PIEZO1: variants seen among roughly 807,000 people sequenced by gnomAD.
PIEZO1 encodes piezo type mechanosensitive ion channel component 1 (Er blood group).
Under a neutral mutation model 297.2 loss-of-function variants are expected in PIEZO1, and 296 were observed. The observed-to-expected ratio is 1.00, with a 90% CI of 0.91 to 1.10. The LOEUF is 1.10. PIEZO1 is among the 50% of genes least tolerant of loss of function. The probability of loss-of-function intolerance (pLI) is 0.00; values close to 1 mark genes in which losing one functional copy is unlikely to be tolerated. For missense variants in PIEZO1, 5,018 were observed against 3,455.5 expected (o/e 1.45, Z -11.34); for synonymous variants, 2,427 against 1,507.5 (o/e 1.61, Z -14.13).
chr16:88,752,677 G>A (rs1352771626), intron 1 of PIEZO1, among the ~76,000 whole-genome samples: 2 of 152,224 alleles, frequency 1.3e-5, no homozygotes, highest in Admixed American at 6.5e-5. Flanking sequence ...GCCCCTGGCC[G>A]AGCCAGAGGG....
chr16:88,721,592 G>T lies in PIEZO1; in HGVS notation c.5349C>A (p.Ile1783=). ...ILGLEKTDGY[I]KYDLVQLMAL... is the part of the protein sequence containing the mutation. ...CCATGAGCTGCACCAGGTCGTACTT[G>T]ATGTAGCCGTCAGTCTTCTCCAGGC... Residue 1783 remains isoleucine, a synonymous_variant, in exon 38 of 51, where the codon ATC becomes ATA. Coordinates refer to ENST00000301015, the MANE Select transcript of PIEZO1 (RefSeq NM_001142864.4). The T allele has an allele frequency of 3.2e-6, 5 of 1,550,354 alleles. No individual in the cohort carries two copies. Among genetic ancestry groups the T allele is most frequent in the Non-Finnish European group, 4.4e-6 (5 of 1,146,936 alleles).
In PIEZO1 at chr16:88,722,969, C is replaced by G. The variant is rs1329251852; in HGVS notation, c.4536G>C (p.Gln1512His). The G allele has an allele frequency of 4.5e-6, 7 of 1,547,790 alleles. No individual in the cohort carries two copies. In the South Asian group the frequency reaches 8.3e-5, roughly 18 times the overall value. Residue 1512 changes from glutamine (Q) to histidine (H), a missense_variant, in exon 34 of 51, where the codon CAG becomes CAC. Transcript: ENST00000301015. The stretch of plus-strand genomic sequence containing the variant: ...GCGCCTGCCCCAGCATCCACAGGAA[C>G]TGCGCCGTGCTCAGCACCCTCTGCA... ...HVVQRVLSTA[Q>H]FLWMLGQALV...
intron 1 of PIEZO1, among the ~76,000 whole-genome samples, chr16:88,755,822 G>T (rs1160529142): frequency 6.6e-6 from 1 of 152,206 alleles, no homozygotes; most frequent in African/African-American, 2.4e-5. Flanking sequence ...GGACAGGTGG[G>T]GACCGGGTGG....
chr16:88,721,107 G>A (rs2142763506), intron 39 of PIEZO1, 59 bp downstream of exon 39: 4 of 1,420,350 alleles, frequency 2.8e-6, no homozygotes, highest in African/African-American at 1.4e-5. Context: ...GACCCTCCCT[G>A]CAGTAGCCCC....
chr16:88,769,140 T>C (rs550497684), intron 1 of PIEZO1, among the ~76,000 whole-genome samples: 14 of 152,344 alleles, frequency 9.2e-5, no homozygotes, highest in Non-Finnish European at 1.6e-4. Flanking sequence ...TAATGAGGTA[T>C]CTTGGGGATG....
chr16:88,753,403 G>A lies in PIEZO1; in HGVS notation c.65-3924C>T, dbSNP rs1009987134. 6.0e-5 allele frequency among the ~76,000 whole-genome samples: 9 copies of A among 151,008 alleles called. No individual in the cohort carries two copies. In the South Asian group the frequency reaches 6.3e-4, roughly 11 times the overall value. On this transcript the variant is annotated intron_variant, in intron 1 of 50. Coordinates refer to ENST00000301015, the MANE Select transcript of PIEZO1 (RefSeq NM_001142864.4). ...AGGAGGGCCCTGGCTGGTCCCTGGC[G>A]CCATCTTCTGTCAGCCTTGCCACAG... is the stretch of plus-strand genomic sequence containing the variant.
intron 47 of PIEZO1, 29 bp downstream of exon 47, chr16:88,716,530 C>G (rs1180262275): frequency 9.1e-6 from 14 of 1,536,738 alleles, no homozygotes; most frequent in Non-Finnish European, 1.1e-5. Flanking sequence ...GTCCACCCAC[C>G]CAGGCACTGC....
intron 12 of PIEZO1, among the ~76,000 whole-genome samples, chr16:88,735,697 G>A (rs989905151): frequency 6.6e-6 from 1 of 152,256 alleles, no homozygotes; most frequent in Non-Finnish European, 1.5e-5. Flanking sequence ...GCTGGCACCC[G>A]TTTCACATGG....
At chr16:88,746,036 G>A (rs1906035767) in intron 2 of PIEZO1, among the ~76,000 whole-genome samples, 1 of 151,968 alleles carries the variant, frequency 6.6e-6, no homozygotes, top group African/African-American at 2.4e-5. Context: ...CCCTGAGTCT[G>A]ATCCGTGGGG....
chr16:88,719,227 C>T (rs925307428), intron 44 of PIEZO1: 2 of 275,768 alleles, frequency 7.3e-6, no homozygotes, highest in South Asian at 4.3e-5. Flanking sequence ...GTACTTTTTA[C>T]GTGGGGGAGT....
At position 88,734,341 on chromosome 16, in the gene PIEZO1, A is replaced by G; in HGVS notation, c.2180+15T>C. 3 of 1,499,712 alleles carry G rather than the reference A, an allele frequency of 2.0e-6. No homozygotes were observed. Among genetic ancestry groups the G allele is most frequent in the Non-Finnish European group, 1.8e-6 (2 of 1,120,182 alleles). The allele number at this position is 1,499,712 out of a possible 1,614,324, so 92.9% of individuals were successfully genotyped here. A position where few individuals can be genotyped will look rare whatever the true frequency, so the allele number is the denominator to read the frequency against. On this transcript the variant is annotated intron_variant, in intron 16 of 50. Transcript: ENST00000301015. ...TACACCTCTCCAGGGCCGGACAGGG[A>G]GGGCGGGGCCGCACCTGTGAGCCCA... is the stretch of plus-strand genomic sequence containing the variant.
Position 88,721,388 on chromosome 16 carries a change from C to G in PIEZO1, c.5446G>C (p.Glu1816Gln). ...TCCTCCTCGCCGCTCTTGTCATGCTCCTTGGATGGTGAGTCCTCCTCATGG... is the reference window on the plus strand; with the variant it reads ...TCCTCCTCGCCGCTCTTGTCATGCTGCTTGGATGGTGAGTCCTCCTCATGG... ...WDHEEDSPSK[E>Q]HDKSGEEEQG... is the part of the protein sequence containing the mutation. Residue 1816 changes from glutamate to glutamine, a missense_variant, in exon 39 of 51, where the codon GAG becomes CAG. Physicochemically the swap from Glu to Gln is conservative, Grantham distance 29. Transcript: ENST00000301015. 1.3e-6 allele frequency: 2 copies of G among 1,549,956 alleles called. No homozygotes were observed. The highest frequency in any genetic ancestry group is 8.7e-7 in the Non-Finnish European group (1 of 1,146,854).
intron 44 of PIEZO1, 121 bp from the exon 45 acceptor site, chr16:88,717,332 C>G (rs879818402): frequency 1.3e-6 from 1 of 767,572 alleles, no homozygotes; most frequent in Non-Finnish European, 2.2e-6. Flanking sequence ...TATGGCACAG[C>G]GGTAGTAATG....
chr16:88,720,624 G>A lies in PIEZO1; in HGVS notation c.5793C>T (p.Cys1931=). The A allele has an allele frequency of 6.5e-7, 1 of 1,545,676 alleles. No homozygotes were observed. ...CGGCCGCCATCACTCACAGGGACAGGCAGAAGCCCTGCAGCCGCCGCCCGG... is the reference window on the plus strand; with the variant it reads ...CGGCCGCCATCACTCACAGGGACAGACAGAAGCCCTGCAGCCGCCGCCCGG... ...RAAGRRLQGF[C]LSLAQGTYRP... Residue 1931 remains cysteine (C), a synonymous_variant, in exon 40 of 51, where the codon TGC becomes TGT. Coordinates refer to ENST00000301015, the MANE Select transcript of PIEZO1 (RefSeq NM_001142864.4).
In PIEZO1 at chr16:88,733,929, T is replaced by G; in HGVS notation, c.2306A>C (p.His769Pro). ...ACCTTCAGGCACCTGCGTGGCCTGGTGGGGAGTGGCCACGCCCAGCCCCTC... is the reference window on the plus strand; with the variant it reads ...ACCTTCAGGCACCTGCGTGGCCTGGGGGGGAGTGGCCACGCCCAGCCCCTC... ...RDEGLGVATPHQATQVPEGAA... is the reference protein window; with the variant it reads ...RDEGLGVATPPQATQVPEGAA... The change falls in exon 17 of 51, where the codon CAC becomes CCC. Residue 769 changes from histidine to proline, a missense_variant. By Grantham distance (77) the His-to-Pro change is moderately conservative (BLOSUM62 -2). Coordinates refer to ENST00000301015, the MANE Select transcript of PIEZO1 (RefSeq NM_001142864.4). The G allele has an allele frequency of 1.3e-6, 2 of 1,531,088 alleles. No homozygotes were observed. The highest frequency in any genetic ancestry group is 1.8e-4 in the Middle Eastern group (1 of 5,412). The allele number at this position is 1,531,088 out of a possible 1,614,324, so 94.8% of individuals were successfully genotyped here. A position where few individuals can be genotyped will look rare whatever the true frequency, so the allele number is the denominator to read the frequency against.
chr16:88,736,661 A>G lies in PIEZO1; in HGVS notation c.1274T>C (p.Val425Ala). ...TACCATCATGGCAATGAGCGCGCAC[A>G]CATAGCTCTGGTCCATGATGAGGTG... is the stretch of plus-strand genomic sequence containing the variant. Reference protein sequence around the residue: ...LGHLIMDQSYVCALIAMMVWS... With the variant: ...LGHLIMDQSYACALIAMMVWS... The change falls in exon 11 of 51, where the codon GTG (valine) becomes GCG (alanine). Residue 425 changes from valine to alanine, a missense_variant. Transcript: ENST00000301015. 1.3e-6 allele frequency: 2 copies of G among 1,532,370 alleles called. No homozygotes were observed. Among genetic ancestry groups the G allele is most frequent in the Non-Finnish European group, 1.7e-6 (2 of 1,145,612 alleles). The allele number at this position is 1,532,370 out of a possible 1,614,324, so 94.9% of individuals were successfully genotyped here.
chr16:88,718,055 C>A, intron 44 of PIEZO1: 1 of 253,408 alleles, frequency 3.9e-6, no homozygotes, highest in Non-Finnish European at 7.9e-6. Flanking sequence ...TGCACTTCAG[C>A]CTGAGATCCT....
In PIEZO1 at chr16:88,716,649, C is replaced by T. The variant is rs577357377; in HGVS notation, c.6836G>A (p.Arg2279His). 178 of 1,549,492 alleles carry T rather than the reference C, an allele frequency of 1.1e-4. 1 individual carries two copies. The African/African-American group carries it at 1.5e-3, about 13-fold the overall frequency. Residue 2279 changes from arginine to histidine, a missense_variant, in exon 47 of 51, where the codon CGC (arginine) becomes CAC (histidine). Physicochemically the swap from Arg to His is conservative, Grantham distance 29. Transcript: ENST00000301015. Reference sequence around the variant, plus strand: ...CTGGGCACGGCTGGGGGGACTGATGCGCCACAGCGCCCCGGAGCTGCCCTC... The same window carrying T: ...CTGGGCACGGCTGGGGGGACTGATGTGCCACAGCGCCCCGGAGCTGCCCTC... Reference protein sequence around the residue: ...QIEGSSGALWRISPPSRAQMK... With the variant: ...QIEGSSGALWHISPPSRAQMK...
At chr16:88,783,678 A>T (rs1353376095) in intron 1 of PIEZO1, among the ~76,000 whole-genome samples, 1 of 152,204 alleles carries the variant, frequency 6.6e-6, no homozygotes. Flanking sequence ...CAGGCTGCCC[A>T]GTCCACACAG....
Sources: gnomAD v4.1 joint callset for allele counts (sites outside exome capture counted in the v4.1 genomes callset) on GRCh38, gnomAD v4.1.1 for gene constraint, MANE v1.5 for transcripts, NCBI Gene and HGNC (gene_info 2026-07-23, HGNC 2026-07-21) for gene names.